Variants in TRAPPC9 observed in about 807,000 individuals in gnomAD.
TRAPPC9 encodes IKK2 binding protein.
In TRAPPC9, 83 loss-of-function variants were observed where a neutral mutation model predicts 124.0. The observed-to-expected ratio is 0.67, with a 90% confidence interval of 0.56 to 0.80. The LOEUF (loss-of-function observed/expected upper bound fraction) is 0.80, where lower values mean the gene tolerates loss of function less well. Among genes scored for constraint, TRAPPC9 ranks in the 30% least tolerant of loss-of-function variants. The probability of loss-of-function intolerance (pLI) is 0.00; values close to 1 mark genes in which losing one functional copy is unlikely to be tolerated. For missense variants in TRAPPC9, 1,302 were observed against 1,508.3 expected, an observed-to-expected ratio of 0.86 and a Z score of 2.27; for synonymous variants, 638 against 617.5, an observed-to-expected ratio of 1.03 and a Z score of -0.49.
intron 1 of TRAPPC9, among the ~76,000 whole-genome samples, chr8:140,452,650 G>A (rs990406144): frequency 2.6e-5 from 4 of 152,050 alleles, no homozygotes; most frequent in African/African-American, 9.7e-5. Flanking sequence ...CCCCAGAGCT[G>A]GGGAAAAATT....
rs866527100 is a variant in TRAPPC9 at position 140,293,728 on chromosome 8, C to T, written c.1769-2650G>A. 2.0e-4 allele frequency among the ~76,000 whole-genome samples: 30 copies of T among 150,230 alleles called. 1 individual carries two copies. The highest frequency in any genetic ancestry group is 1.6e-3 in the Admixed American group (25 of 15,190). Reference sequence around the variant, plus strand: ...TGGGGACTATTGTGGGGTGGGGAGACGGGGGAGGGATAGCATTAGGAGATA... The same window carrying T: ...TGGGGACTATTGTGGGGTGGGGAGATGGGGGAGGGATAGCATTAGGAGATA... On this transcript the variant is annotated intron_variant, in intron 11 of 22. Transcript: ENST00000438773.
At chr8:139,905,922 G>C (rs1831329711) in intron 20 of TRAPPC9, among the ~76,000 whole-genome samples, 1 of 151,802 alleles carries the variant, frequency 6.6e-6, no homozygotes, top group Admixed American at 6.6e-5. Context: ...GTGAAACTCT[G>C]TCTCTACTAA....
At chr8:140,419,842 C>T (rs879469822) in intron 5 of TRAPPC9, among the ~76,000 whole-genome samples, 12 of 152,058 alleles carry the variant, frequency 7.9e-5, no homozygotes, top group Admixed American at 7.9e-4. Flanking sequence ...GCCGAGATTG[C>T]GCCACTGCAC....
rs557361877 is a variant in TRAPPC9, at chr8:139,954,777, G to A, written c.2810+33949C>T. On this transcript the variant is annotated intron_variant, in intron 19 of 22. Coordinates refer to ENST00000438773, the MANE Select transcript of TRAPPC9 (RefSeq NM_001160372.4). Reference sequence around the variant, plus strand: ...CTTGACACTCAAGTGACATCACAGCGTGTCAGTGAAGATTTGCCCTGGTTT... The same window carrying A: ...CTTGACACTCAAGTGACATCACAGCATGTCAGTGAAGATTTGCCCTGGTTT... Among the ~76,000 whole-genome samples the A allele has an allele frequency of 5.3e-5, 8 of 152,258 alleles. No individual in the cohort carries two copies. The East Asian group carries it at 1.2e-3, about 22-fold the overall frequency.
chr8:140,119,248 G>A (rs934978640), intron 17 of TRAPPC9, among the ~76,000 whole-genome samples: 6 of 152,224 alleles, frequency 3.9e-5, no homozygotes, highest in Admixed American at 2.6e-4. Flanking sequence ...AATGAGTTCA[G>A]GAAACTCAGG....
chr8:140,353,558 C>T lies in TRAPPC9; in HGVS notation c.1495+6492G>A, dbSNP rs750043615. 2.6e-5 allele frequency among the ~76,000 whole-genome samples: 4 copies of T among 152,118 alleles called. No homozygotes were observed. Among genetic ancestry groups the T allele is most frequent in the Admixed American group, 6.5e-5 (1 of 15,270 alleles). The stretch of plus-strand genomic sequence containing the variant: ...TTTAAGCTACGTGATGTGAAAGCCG[C>T]GAGTCTTTTTTATTTTCCACAGGAA... On this transcript the variant is annotated intron_variant, in intron 9 of 22. Coordinates refer to ENST00000438773, the MANE Select transcript of TRAPPC9 (RefSeq NM_001160372.4). The surrounding 1 kb of genome is among the most constrained non-coding windows in gnomAD (Gnocchi z 4.2).
At chr8:140,428,555 C>A (rs114730921) in intron 4 of TRAPPC9, among the ~76,000 whole-genome samples, 7 of 152,232 alleles carry the variant, frequency 4.6e-5, no homozygotes, top group African/African-American at 1.7e-4. Flanking sequence ...AATAACAAAG[C>A]CTCACACCAT....
In TRAPPC9 at chr8:140,448,364, A is replaced by G. The variant is rs995435582; in HGVS notation, c.584+2426T>C. Among the ~76,000 whole-genome samples, 3 of 152,216 alleles carry G rather than the reference A, an allele frequency of 2.0e-5. No homozygotes were observed. In the East Asian group the frequency reaches 5.8e-4, roughly 29 times the overall value. On this transcript the variant is annotated intron_variant, in intron 2 of 22. Transcript: ENST00000438773. ...TTCAGTGCCTGGAGCCATGCCTGGC[A>G]TATGAAGGCTCTAACAAACACTTGT...
intron 17 of TRAPPC9, among the ~76,000 whole-genome samples, chr8:140,127,767 T>A (rs1439828869): frequency 6.6e-6 from 1 of 152,262 alleles, no homozygotes; most frequent in African/African-American, 2.4e-5. Context: ...GCATTGCTCC[T>A]ATACAGAAAC....
chr8:139,806,898 G>A (rs1482485335), intron 21 of TRAPPC9, among the ~76,000 whole-genome samples: 7 of 152,236 alleles, frequency 4.6e-5, no homozygotes, highest in Non-Finnish European at 8.8e-5. Flanking sequence ...GGGCGGGGGT[G>A]TTAAGGAGAG....
intron 16 of TRAPPC9, among the ~76,000 whole-genome samples, chr8:140,228,080 T>G (rs1249953479): frequency 6.6e-6 from 1 of 152,240 alleles, no homozygotes; most frequent in Non-Finnish European, 1.5e-5. Flanking sequence ...TGCAGGGGCT[T>G]AGCATCTATC....
At chr8:140,405,779 C>T in intron 5 of TRAPPC9, 81 bp from the exon 6 acceptor site, 2 of 1,539,582 alleles carry the variant, frequency 1.3e-6, no homozygotes, top group Non-Finnish European at 1.8e-6. Context: ...ATGAATAAGA[C>T]AAAACTTAAA....
At chr8:140,287,126 T>C (rs2065506448) in intron 13 of TRAPPC9, among the ~76,000 whole-genome samples, 1 of 152,060 alleles carries the variant, frequency 6.6e-6, no homozygotes, top group Non-Finnish European at 1.5e-5. Flanking sequence ...AGCCAGGGAC[T>C]CAAAGGGCAC....
At chr8:140,244,800 C>CTTTTTTTTTTT (rs1162364645) in intron 16 of TRAPPC9, among the ~76,000 whole-genome samples, 1 of 90,178 alleles carries the variant, frequency 1.1e-5, no homozygotes. Flanking sequence ...TTTCCAATTC[C>CTTTTTTTTTTT]TTTTTTTTTT....
intron 17 of TRAPPC9, among the ~76,000 whole-genome samples, chr8:140,166,459 C>T (rs2061839527): frequency 6.6e-6 from 1 of 152,226 alleles, no homozygotes; most frequent in Admixed American, 6.5e-5. Flanking sequence ...CTCCAGGGAG[C>T]TCAAGCTCCC....
intron 17 of TRAPPC9, among the ~76,000 whole-genome samples, chr8:140,073,188 C>G (rs1843290860): frequency 6.6e-6 from 1 of 152,202 alleles, no homozygotes; most frequent in South Asian, 2.1e-4. Flanking sequence ...AATTCTACCC[C>G]TTAATAACTC....
In TRAPPC9 at chr8:140,186,372, T is replaced by C. The variant is rs531081807; in HGVS notation, c.2556+35087A>G. Among the ~76,000 whole-genome samples the C allele has an allele frequency of 8.1e-4, 124 of 152,148 alleles. 1 individual carries two copies. The highest frequency in any genetic ancestry group is 2.9e-3 in the African/African-American group (122 of 41,502). On this transcript the variant is annotated intron_variant, in intron 17 of 22. Coordinates refer to ENST00000438773, the MANE Select transcript of TRAPPC9 (RefSeq NM_001160372.4). ...GCCAAGGCAGGTGGATTACCTGAGG[T>C]CAGGAGTTTGAGACCAGCCTGGCCA...
chr8:140,437,778 G>A (rs2070872833), intron 3 of TRAPPC9, among the ~76,000 whole-genome samples: 2 of 152,136 alleles, frequency 1.3e-5, no homozygotes, highest in African/African-American at 2.4e-5. Flanking sequence ...AAAGAACCCT[G>A]TTTTAGTCCT....
At chr8:140,125,412 C>G (rs1046053252) in intron 17 of TRAPPC9, among the ~76,000 whole-genome samples, 1 of 152,094 alleles carries the variant, frequency 6.6e-6, no homozygotes, top group East Asian at 1.9e-4. Flanking sequence ...GGGGTCAACT[C>G]AGGTTTATGA....
Sources: allele counts gnomAD v4.1 joint callset (sites outside exome capture counted in the v4.1 genomes callset), GRCh38; gene constraint gnomAD v4.1.1; non-coding constraint Gnocchi (gnomAD v3.1); transcripts MANE v1.5; gene names NCBI Gene and HGNC (gene_info 2026-07-23, HGNC 2026-07-21).